TADA2A: variants seen among roughly 807,000 people sequenced by gnomAD.
TADA2A encodes the protein transcriptional adapter 2-alpha.
In TADA2A, 38 loss-of-function variants were observed where a neutral mutation model predicts 67.4. The ratio of observed to expected loss-of-function variants is 0.56; its 90% CI spans 0.44 to 0.74. The LOEUF (loss-of-function observed/expected upper bound fraction) is 0.74, where lower values mean the gene tolerates loss of function less well. Among genes scored for constraint, TADA2A ranks in the 30% least tolerant of loss-of-function variants. The pLI is 0.00. For synonymous variants in TADA2A, 192 were observed against 181.6 expected (o/e 1.06, Z -0.46); for missense variants, 454 against 547.0 (o/e 0.83, Z 1.70).
At chr17:37,437,466 A>G (rs183840802) in intron 4 of TADA2A, among the ~76,000 whole-genome samples, 25 of 150,236 alleles carry the variant, frequency 1.7e-4, no homozygotes, top group Admixed American at 5.3e-4. Flanking sequence ...AGCTCACTGC[A>G]ACCTCTGCTT....
intron 4 of TADA2A, among the ~76,000 whole-genome samples, chr17:37,431,237 A>G (rs1014111352): frequency 6.6e-6 from 1 of 152,176 alleles, no homozygotes; most frequent in Non-Finnish European, 1.5e-5. Flanking sequence ...TCATGCTTAA[A>G]AATGACCATT....
intron 4 of TADA2A, among the ~76,000 whole-genome samples, chr17:37,434,966 G>A (rs1459636957): frequency 6.6e-6 from 1 of 152,186 alleles, no homozygotes; most frequent in African/African-American, 2.4e-5. Flanking sequence ...CTTCTTTGCT[G>A]CCAGGCACGG....
At chr17:37,412,671 C>A (rs1223229977) in intron 2 of TADA2A, among the ~76,000 whole-genome samples, 1 of 151,722 alleles carries the variant, frequency 6.6e-6, no homozygotes, top group Non-Finnish European at 1.5e-5. Flanking sequence ...ATAATCCCAG[C>A]TACACGGGAG....
rs1392548395 is a variant in TADA2A at position 37,409,749 on chromosome 17, G to C, written c.-97-1520G>C. Among the ~76,000 whole-genome samples the C allele has an allele frequency of 2.1e-5, 3 of 144,706 alleles. No individual in the cohort carries two copies. The Admixed American group carries it at 2.1e-4, about 10-fold the overall frequency. 94.9% of individuals were successfully genotyped at this position (144,706 alleles called of 152,430 possible). A position where few individuals can be genotyped will look rare whatever the true frequency, so the allele number is the denominator to read the frequency against. ...GCCATTGCATTCCAGCCTAGGCAAC[G>C]AGAGCGAGACTTAGTCTCAAAAAAA... is the stretch of plus-strand genomic sequence containing the variant. On this transcript the variant is annotated intron_variant, in intron 1 of 15. Transcript: ENST00000615182.
intron 14 of TADA2A, among the ~76,000 whole-genome samples, chr17:37,471,794 C>T (rs1447384639): frequency 1.6e-4 from 24 of 152,144 alleles, no homozygotes; most frequent in Non-Finnish European, 1.5e-5. Context: ...GCGTGAGCCA[C>T]CGTGCCCAGC....
At chr17:37,449,550 A>G (rs551942567) in intron 8 of TADA2A, among the ~76,000 whole-genome samples, 7 of 152,260 alleles carry the variant, frequency 4.6e-5, no homozygotes, top group African/African-American at 1.7e-4. Flanking sequence ...TACAGCCAGC[A>G]AGAGGTAGAG....
intron 9 of TADA2A, among the ~76,000 whole-genome samples, chr17:37,461,424 A>G (rs181345441): frequency 6.6e-6 from 1 of 152,348 alleles, no homozygotes; most frequent in East Asian, 1.9e-4. Flanking sequence ...AGTTGCTCCT[A>G]TGAGAAGCTT....
intron 2 of TADA2A, 79 bp downstream of exon 2, chr17:37,411,469 C>T: frequency 2.9e-6 from 4 of 1,387,206 alleles, no homozygotes; most frequent in Non-Finnish European, 4.1e-6. Context: ...GTTGCCCAGG[C>T]TGGGGTACAG....
intron 8 of TADA2A, among the ~76,000 whole-genome samples, chr17:37,450,353 G>A (rs1051900424): frequency 6.6e-6 from 1 of 152,166 alleles, no homozygotes; most frequent in African/African-American, 2.4e-5. Context: ...TTGTTTGGTC[G>A]CAGTAGGGAT....
chr17:37,469,067 A>AT lies in TADA2A; in HGVS notation c.896-1322dup, dbSNP rs1237544917. Among the ~76,000 whole-genome samples, 942 of 145,360 alleles carry AT rather than the reference A, an allele frequency of 6.5e-3. 6 individuals carry two copies. The highest frequency in any genetic ancestry group is 0.019 in the African/African-American group (750 of 39,842). On this transcript the variant is annotated intron_variant, in intron 12 of 15. Coordinates refer to ENST00000615182, the MANE Select transcript of TADA2A (RefSeq NM_001166105.3). ...AGTCATGCACCACCATACCCGGCTAATTTTTTTTTTTGTATTTTTAGTAGA... is the reference window on the plus strand; with the variant it reads ...AGTCATGCACCACCATACCCGGCTAATTTTTTTTTTTTGTATTTTTAGTAGA...
chr17:37,467,597 T>C, intron 12 of TADA2A, 72 bp downstream of exon 12: 1 of 1,322,682 alleles, frequency 7.6e-7, no homozygotes. Context: ...AGTCTCTGAA[T>C]TGTTGTGAAT....
intron 6 of TADA2A, among the ~76,000 whole-genome samples, chr17:37,441,513 A>G (rs930686268): frequency 6.6e-6 from 1 of 152,186 alleles, no homozygotes; most frequent in Non-Finnish European, 1.5e-5. Context: ...ATAAAATATA[A>G]CCAAAAACAT....
chr17:37,436,797 TG>T (rs2052740284), intron 4 of TADA2A, among the ~76,000 whole-genome samples: 1 of 151,762 alleles, frequency 6.6e-6, no homozygotes, highest in African/African-American at 2.4e-5. Context: ...TTTTTTAAAG[TG>T]TGTTTTATTC....
At chr17:37,417,679 T>C (rs2052094630) in intron 2 of TADA2A, among the ~76,000 whole-genome samples, 1 of 151,734 alleles carries the variant, frequency 6.6e-6, no homozygotes, top group Non-Finnish European at 1.5e-5. Context: ...GGACTACAGG[T>C]GTGCGTCACC....
chr17:37,410,446 G>A (rs1051397045), intron 1 of TADA2A, among the ~76,000 whole-genome samples: 1 of 151,846 alleles, frequency 6.6e-6, no homozygotes, highest in Non-Finnish European at 1.5e-5. Flanking sequence ...AGAGTGCTGG[G>A]ATTACAGGCA....
intron 14 of TADA2A, among the ~76,000 whole-genome samples, chr17:37,473,379 A>G (rs984278315): frequency 6.6e-6 from 1 of 151,976 alleles, no homozygotes; most frequent in Non-Finnish European, 1.5e-5. Context: ...TAAGGCAACT[A>G]TGTATTGGAA....
At chr17:37,466,626 C>G (rs1275044537) in intron 11 of TADA2A, among the ~76,000 whole-genome samples, 1 of 152,104 alleles carries the variant, frequency 6.6e-6, no homozygotes, top group East Asian at 1.9e-4. Context: ...GTTGGTTGTC[C>G]TCACCAAACA....
intron 8 of TADA2A, 77 bp downstream of exon 8, chr17:37,444,845 GATGAATAGAAC>G: frequency 7.5e-7 from 1 of 1,326,890 alleles, no homozygotes; most frequent in Non-Finnish European, 1.1e-6. Flanking sequence ...GGAATTGAAG[GATGAATAGAAC>G]ATGTCCCCTG....
intron 14 of TADA2A, among the ~76,000 whole-genome samples, chr17:37,471,546 C>T (rs374037199): frequency 3.3e-5 from 5 of 151,984 alleles, no homozygotes; most frequent in East Asian, 1.9e-4. Context: ...CTCGGTCTGT[C>T]GCCCAGGCTG....
Sources: gnomAD v4.1 joint callset for allele counts (sites outside exome capture counted in the v4.1 genomes callset) on GRCh38, gnomAD v4.1.1 for gene constraint, MANE v1.5 for transcripts, NCBI Gene and HGNC (gene_info 2026-07-23, HGNC 2026-07-21) for gene names.